POU5F2: variants seen among roughly 807,000 people sequenced by gnomAD.
The protein encoded by POU5F2 is POU domain class 5, transcription factor 2, also known as POU domain, class 5, transcription factor 2.
For missense variants in POU5F2, 401 were observed against 426.6 expected, an observed-to-expected ratio of 0.94 and a Z score of 0.53; for synonymous variants, 191 against 178.7, an observed-to-expected ratio of 1.07 and a Z score of -0.55.
In POU5F2 at chr5:93,741,458, T is replaced by C. The variant is rs1216801223; in HGVS notation, c.106A>G (p.Ser36Gly). ...PLRVDTLTWL[S>G]TQAAPGRVMV... Reference sequence around the variant, plus strand: ...ACCCTGCCAGGGGCCGCCTGGGTGCTCAACCAGGTCAGAGTGTCAACCCGC... The same window carrying C: ...ACCCTGCCAGGGGCCGCCTGGGTGCCCAACCAGGTCAGAGTGTCAACCCGC... Residue 36 changes from serine to glycine, a missense_variant, in exon 1 of 1, where the codon AGC (serine) becomes GGC (glycine). Coordinates refer to ENST00000606183, the MANE Select transcript of POU5F2 (RefSeq NM_153216.2). 1.2e-6 allele frequency: 2 copies of C among 1,613,384 alleles called. No individual in the cohort carries two copies. The highest frequency in any genetic ancestry group is 1.7e-5 in the Admixed American group (1 of 59,998).
At position 93,740,486 on chromosome 5, in the gene POU5F2, A is replaced by G. The variant is rs1336069237; in HGVS notation, c.*91T>C. The G allele has an allele frequency of 2.9e-5, 39 of 1,346,276 alleles. No individual in the cohort carries two copies. Among genetic ancestry groups the G allele is most frequent in the Non-Finnish European group, 4.0e-5 (39 of 983,844 alleles). 83.4% of individuals were successfully genotyped at this position (1,346,276 alleles called of 1,614,324 possible). ...AGACAGTGAATGAGAAATTAATACTAAAAGCCCTCAAATGAACCCTAGGGA... is the reference window on the plus strand; with the variant it reads ...AGACAGTGAATGAGAAATTAATACTGAAAGCCCTCAAATGAACCCTAGGGA... On this transcript the variant is annotated 3_prime_UTR_variant, in exon 1 of 1. Coordinates refer to ENST00000606183, the MANE Select transcript of POU5F2 (RefSeq NM_153216.2).
Position 93,741,375 on chromosome 5 carries a change from A to T in POU5F2, c.189T>A (p.Ile63=). Reference sequence around the variant, plus strand: ...ATTCGTGTGGCAGGGGACCCAGGGGAATCCTCCACACGTCAGGGCCTGGGC... The same window carrying T: ...ATTCGTGTGGCAGGGGACCCAGGGGTATCCTCCACACGTCAGGGCCTGGGC... The part of the protein sequence containing the change: ...GICPGPDVWR[I]PLGPLPHEFR... Residue 63 remains isoleucine (I), a synonymous_variant, in exon 1 of 1, where the codon ATT becomes ATA. Transcript: ENST00000606183. 1 of 1,612,224 alleles carries T rather than the reference A, an allele frequency of 6.2e-7. No individual in the cohort carries two copies. The highest frequency in any genetic ancestry group is 2.2e-5 in the East Asian group (1 of 44,792).
chr5:93,733,868 A>G lies in POU5F2; in HGVS notation c.*6709T>C, dbSNP rs952639266. On this transcript the variant is annotated 3_prime_UTR_variant, in exon 1 of 1. Coordinates refer to ENST00000606183, the MANE Select transcript of POU5F2 (RefSeq NM_153216.2). ...AATAACACCATTTTGCATTCTGAAA[A>G]GAATTAATCTTGAATAGATTTTGCC... 1.3e-5 allele frequency: 2 copies of G among 152,234 alleles called. No homozygotes were observed. Among genetic ancestry groups the G allele is most frequent in the Non-Finnish European group, 2.9e-5 (2 of 68,046 alleles). 9.4% of individuals were successfully genotyped at this position (152,234 alleles called of 1,614,324 possible).
rs1248867181 is a variant in POU5F2 at position 93,733,264 on chromosome 5, G to C, written c.*7313C>G. ...TTGCCAGACTGGAGTCCAGGGGCAT[G>C]ATCTTGGCTCACTGCAACCTCCGCC... On this transcript the variant is annotated 3_prime_UTR_variant, in exon 1 of 1. Transcript: ENST00000606183. 2 of 148,954 alleles carry C rather than the reference G, an allele frequency of 1.3e-5. No individual in the cohort carries two copies. The highest frequency in any genetic ancestry group is 3.0e-5 in the Non-Finnish European group (2 of 67,590). 9.2% of individuals were successfully genotyped at this position (148,954 alleles called of 1,614,324 possible). A position where few individuals can be genotyped will look rare whatever the true frequency, so the allele number is the denominator to read the frequency against.
In POU5F2 at chr5:93,739,881, T is replaced by C. The variant is rs897699291; in HGVS notation, c.*696A>G. 1 of 150,394 alleles carries C rather than the reference T, an allele frequency of 6.6e-6. No individual in the cohort carries two copies. The highest frequency in any genetic ancestry group is 1.5e-5 in the Non-Finnish European group (1 of 67,930). 9.3% of individuals were successfully genotyped at this position (150,394 alleles called of 1,614,324 possible). A position where few individuals can be genotyped will look rare whatever the true frequency, so the allele number is the denominator to read the frequency against. On this transcript the variant is annotated 3_prime_UTR_variant, in exon 1 of 1. Transcript: ENST00000606183. ...TGCCAACCTCAGTAACAAAGGAGTT[T>C]AGAATACAGTGACTGTGGCAGGACA...
At position 93,737,974 on chromosome 5, in the gene POU5F2, C is replaced by T. The variant is rs971647684; in HGVS notation, c.*2603G>A. 3.3e-5 allele frequency: 14 copies of T among 429,834 alleles called. No individual in the cohort carries two copies. The highest frequency in any genetic ancestry group is 5.9e-5 in the Non-Finnish European group (13 of 219,212). 26.6% of individuals were successfully genotyped at this position (429,834 alleles called of 1,614,324 possible). On this transcript the variant is annotated 3_prime_UTR_variant, in exon 1 of 1. Coordinates refer to ENST00000606183, the MANE Select transcript of POU5F2 (RefSeq NM_153216.2). ...CAAAAGAAAAAATGGATAAGCTGGA[C>T]TTAATAAAAATTAAAGTCTGTCTGC... is the stretch of plus-strand genomic sequence containing the variant.
rs1747487207 is a variant in POU5F2, at chr5:93,737,606, G to A, written c.*2971C>T. ...CAAAACTTACTGCAAAGCTACAGTA[G>A]TCAAAACAGTGTGGTACTGGCATAA... On this transcript the variant is annotated 3_prime_UTR_variant, in exon 1 of 1. Transcript: ENST00000606183. 6.0e-6 allele frequency: 1 copy of A among 167,306 alleles called. No homozygotes were observed. The highest frequency in any genetic ancestry group is 6.3e-5 in the Admixed American group (1 of 15,846). The allele number at this position is 167,306 out of a possible 1,614,324, so 10.4% of individuals were successfully genotyped here.
rs1748133962 is a variant in POU5F2, at chr5:93,740,410, T to C, written c.*167A>G. 3 of 692,308 alleles carry C rather than the reference T, an allele frequency of 4.3e-6. No homozygotes were observed. Among genetic ancestry groups the C allele is most frequent in the Non-Finnish European group, 7.0e-6 (3 of 430,860 alleles). The allele number at this position is 692,308 out of a possible 1,614,324, so 42.9% of individuals were successfully genotyped here. A position where few individuals can be genotyped will look rare whatever the true frequency, so the allele number is the denominator to read the frequency against. ...AAACTTCATCTTCTCTCCCAGGTTT[T>C]TCTTGAACAATTCCCACCCCCATTC... On this transcript the variant is annotated 3_prime_UTR_variant, in exon 1 of 1. Transcript: ENST00000606183.
At position 93,737,807 on chromosome 5, in the gene POU5F2, C is replaced by T. The variant is rs1747525504; in HGVS notation, c.*2770G>A. The T allele has an allele frequency of 2.7e-6, 1 of 368,992 alleles. No individual in the cohort carries two copies. Among genetic ancestry groups the T allele is most frequent in the Non-Finnish European group, 5.3e-6 (1 of 189,300 alleles). 22.9% of individuals were successfully genotyped at this position (368,992 alleles called of 1,614,324 possible). ...ACATGCAAAAGAATGAAGTTGGGCA[C>T]TTACCTCATACCGTATACAAAAATT... On this transcript the variant is annotated 3_prime_UTR_variant, in exon 1 of 1. Coordinates refer to ENST00000606183, the MANE Select transcript of POU5F2 (RefSeq NM_153216.2).
rs968706299 is a variant in POU5F2 at position 93,738,830 on chromosome 5, T to C, written c.*1747A>G. The C allele has an allele frequency of 1.3e-5, 2 of 152,182 alleles. No homozygotes were observed. The highest frequency in any genetic ancestry group is 2.9e-5 in the Non-Finnish European group (2 of 68,050). 9.4% of individuals were successfully genotyped at this position (152,182 alleles called of 1,614,324 possible). ...TTGCTTAATGAGAAGAGTTTATGTT[T>C]GGAGTGATGGAAAAATGTTGGAAAT... On this transcript the variant is annotated 3_prime_UTR_variant, in exon 1 of 1. Coordinates refer to ENST00000606183, the MANE Select transcript of POU5F2 (RefSeq NM_153216.2).
At position 93,739,856 on chromosome 5, in the gene POU5F2, T is replaced by G. The variant is rs563703135; in HGVS notation, c.*721A>C. The G allele has an allele frequency of 6.6e-6, 1 of 152,182 alleles. No individual in the cohort carries two copies. The highest frequency in any genetic ancestry group is 6.5e-5 in the Admixed American group (1 of 15,288). The allele number at this position is 152,182 out of a possible 1,614,324, so 9.4% of individuals were successfully genotyped here. On this transcript the variant is annotated 3_prime_UTR_variant, in exon 1 of 1. Coordinates refer to ENST00000606183, the MANE Select transcript of POU5F2 (RefSeq NM_153216.2). ...GGGACCGAAGCTCTGAAGTCCAGCT[T>G]GCCAACCTCAGTAACAAAGGAGTTT...
rs571574676 is a variant in POU5F2 at position 93,734,439 on chromosome 5, G to A, written c.*6138C>T. The A allele has an allele frequency of 4.7e-4, 71 of 152,218 alleles. No homozygotes were observed. The highest frequency in any genetic ancestry group is 1.7e-3 in the African/African-American group (70 of 41,536). The allele number at this position is 152,218 out of a possible 1,614,324, so 9.4% of individuals were successfully genotyped here. A position where few individuals can be genotyped will look rare whatever the true frequency, so the allele number is the denominator to read the frequency against. ...AACTGTAGATCTAAAGAAGAGCCAC[G>A]GTCCTCTTTGAATATGTGATGAAGG... On this transcript the variant is annotated 3_prime_UTR_variant, in exon 1 of 1. Coordinates refer to ENST00000606183, the MANE Select transcript of POU5F2 (RefSeq NM_153216.2).
Position 93,738,334 on chromosome 5 carries a change from T to A in POU5F2, c.*2243A>T, listed in dbSNP as rs1325289904. Reference sequence around the variant, plus strand: ...GGATATGGAAAAACTAGAACTCTTGTAGATTGCTGGTGGGAATGTAAAATG... The same window carrying A: ...GGATATGGAAAAACTAGAACTCTTGAAGATTGCTGGTGGGAATGTAAAATG... On this transcript the variant is annotated 3_prime_UTR_variant, in exon 1 of 1. Transcript: ENST00000606183. The A allele has an allele frequency of 1.3e-5, 2 of 152,754 alleles. No homozygotes were observed. The highest frequency in any genetic ancestry group is 4.8e-5 in the African/African-American group (2 of 41,462). The allele number at this position is 152,754 out of a possible 1,614,324, so 9.5% of individuals were successfully genotyped here.
chr5:93,740,722 G>C lies in POU5F2; in HGVS notation c.842C>G (p.Ala281Gly), dbSNP rs570159269. Residue 281 changes from alanine (A) to glycine (G), a missense_variant, in exon 1 of 1, where the codon GCC becomes GGC. Physicochemically the swap from Ala to Gly is moderately conservative, Grantham distance 60 (BLOSUM62 0). Coordinates refer to ENST00000606183, the MANE Select transcript of POU5F2 (RefSeq NM_153216.2). ...TGGTGCTCCTGGGCAAGGAGGCCCGGCTGTCCCCACAATCTCCCGTGGGGA... is the reference window on the plus strand; with the variant it reads ...TGGTGCTCCTGGGCAAGGAGGCCCGCCTGTCCCCACAATCTCCCGTGGGGA... Reference protein sequence around the residue: ...DASPREIVGTAGPPCPGAPVC... With the variant: ...DASPREIVGTGGPPCPGAPVC... 4 of 1,613,074 alleles carry C rather than the reference G, an allele frequency of 2.5e-6. No homozygotes were observed. In the South Asian group the frequency reaches 4.4e-5, roughly 18 times the overall value.
In POU5F2 at chr5:93,737,675, A is replaced by C. The variant is rs1747501421; in HGVS notation, c.*2902T>G. On this transcript the variant is annotated 3_prime_UTR_variant, in exon 1 of 1. Coordinates refer to ENST00000606183, the MANE Select transcript of POU5F2 (RefSeq NM_153216.2). ...ACAGAAGAGAGTTGAGAGCCCAGAA[A>C]TAATCCCTCACATGTGTGGTCAACT... 4.4e-6 allele frequency: 1 copy of C among 225,812 alleles called. No individual in the cohort carries two copies. The highest frequency in any genetic ancestry group is 2.4e-5 in the African/African-American group (1 of 42,426). 14.0% of individuals were successfully genotyped at this position (225,812 alleles called of 1,614,324 possible). A position where few individuals can be genotyped will look rare whatever the true frequency, so the allele number is the denominator to read the frequency against.
rs1747544704 is a variant in POU5F2, at chr5:93,737,857, A to C, written c.*2720T>G. ...TAACTTGAAATGGATCAAAGTCCTA[A>C]ATTTAATAAATAAAACTGTAAAATT... On this transcript the variant is annotated 3_prime_UTR_variant, in exon 1 of 1. Coordinates refer to ENST00000606183, the MANE Select transcript of POU5F2 (RefSeq NM_153216.2). 2.3e-6 allele frequency: 1 copy of C among 426,156 alleles called. No individual in the cohort carries two copies. Among genetic ancestry groups the C allele is most frequent in the Admixed American group, 2.9e-5 (1 of 34,664 alleles). The allele number at this position is 426,156 out of a possible 1,614,324, so 26.4% of individuals were successfully genotyped here. A position where few individuals can be genotyped will look rare whatever the true frequency, so the allele number is the denominator to read the frequency against.
At position 93,734,223 on chromosome 5, in the gene POU5F2, A is replaced by C. The variant is rs114935582; in HGVS notation, c.*6354T>G. On this transcript the variant is annotated 3_prime_UTR_variant, in exon 1 of 1. Transcript: ENST00000606183. ...AAGTGTAAGAACAAGAAAGGCAATA[A>C]TCAATACATTATTTAGTCTGAACTT... 410 of 152,328 alleles carry C rather than the reference A, an allele frequency of 2.7e-3. 1 individual carries two copies. The highest frequency in any genetic ancestry group is 9.4e-3 in the African/African-American group (393 of 41,588). The allele number at this position is 152,328 out of a possible 1,614,324, so 9.4% of individuals were successfully genotyped here.
rs1165230129 is a variant in POU5F2, at chr5:93,741,156, C to T, written c.408G>A (p.Lys136=). 6.8e-6 allele frequency: 11 copies of T among 1,613,912 alleles called. 1 individual carries two copies. In the African/African-American group the frequency reaches 8.0e-5, roughly 12 times the overall value. ...LQQLAKELRQ[K]RLSLGYSQAD... ...CCTGCGAGTACCCTAGGCTCAACCTCTTCTGCCTCAACTCCTTGGCCAATT... is the reference window on the plus strand; with the variant it reads ...CCTGCGAGTACCCTAGGCTCAACCTTTTCTGCCTCAACTCCTTGGCCAATT... The change falls in exon 1 of 1, where the codon AAG becomes AAA. Residue 136 remains lysine (K), a synonymous_variant. Transcript: ENST00000606183.
Position 93,738,155 on chromosome 5 carries a change from T to G in POU5F2, c.*2422A>C, listed in dbSNP as rs1392196943. 1 of 188,172 alleles carries G rather than the reference T, an allele frequency of 5.3e-6. No homozygotes were observed. The highest frequency in any genetic ancestry group is 1.1e-5 in the Non-Finnish European group (1 of 89,532). The allele number at this position is 188,172 out of a possible 1,614,324, so 11.7% of individuals were successfully genotyped here. On this transcript the variant is annotated 3_prime_UTR_variant, in exon 1 of 1. Transcript: ENST00000606183. ...ATAGGCAAAGGACTTGAATAGACAT[T>G]TCTTTAAAGAAGATACAAAATAGAC...
Sources: allele counts gnomAD v4.1 joint callset, GRCh38; gene constraint gnomAD v4.1.1; transcripts MANE v1.5; gene names NCBI Gene and HGNC (gene_info 2026-07-23, HGNC 2026-07-21).